Variants in SLC45A1 observed in about 807,000 individuals in gnomAD.
The protein encoded by SLC45A1 is solute carrier family 45 member 1.
A neutral mutation model predicts 57.6 loss-of-function variants in SLC45A1; 28 were observed. The ratio of observed to expected loss-of-function variants is 0.49; its 90% CI spans 0.36 to 0.67. The LOEUF (loss-of-function observed/expected upper bound fraction) is 0.67. SLC45A1 is among the 30% of genes least tolerant of loss of function. SLC45A1 has a pLI of 0.00. For synonymous variants in SLC45A1, 459 were observed against 471.5 expected, an observed-to-expected ratio of 0.97 and a Z score of 0.34; for missense variants, 814 against 1,041.5, an observed-to-expected ratio of 0.78 and a Z score of 3.01.
intron 4 of SLC45A1, among the ~76,000 whole-genome samples, chr1:8,329,145 C>A (rs1308754003): frequency 6.6e-6 from 1 of 152,164 alleles, no homozygotes; most frequent in Non-Finnish European, 1.5e-5. Flanking sequence ...ATAATGAGAT[C>A]CATGGTCATA....
chr1:8,343,974 T>G lies in SLC45A1; in HGVS notation c.2208T>G (p.Ala736=), dbSNP rs776071189. The change falls in exon 9 of 9, where the codon GCT becomes GCG. Residue 736 remains alanine (A), a synonymous_variant. Coordinates refer to ENST00000471889, the MANE Select transcript of SLC45A1 (RefSeq NM_001080397.3). The surrounding 1 kb of genome is among the most constrained non-coding windows in gnomAD (Gnocchi z 7.7). Reference sequence around the variant, plus strand: ...TTTATGAAATTCCTCCCAGCGACGCTGCAGACGAGGAGCACCGGCCCCTCC... The same window carrying G: ...TTTATGAAATTCCTCCCAGCGACGCGGCAGACGAGGAGCACCGGCCCCTCC... ...FVIYEIPPSD[A]ADEEHRPLLL... The G allele has an allele frequency of 9.9e-5, 160 of 1,613,456 alleles. No individual in the cohort carries two copies. The Middle Eastern group carries it at 4.4e-3, about 45-fold the overall frequency.
chr1:8,325,790 T>C lies in SLC45A1; in HGVS notation c.491-28T>C, dbSNP rs1640178388. On this transcript the variant is annotated intron_variant, in intron 3 of 8. Coordinates refer to ENST00000471889, the MANE Select transcript of SLC45A1 (RefSeq NM_001080397.3). This position sits in a 1 kb window ranked among gnomAD's most constrained non-coding sequence, Gnocchi z 6.3. The stretch of plus-strand genomic sequence containing the variant: ...GGGACAGAGCTGGTCTGCATTTTCT[T>C]GGGGTGACTTTGTTTCTCTGTGTCC... The C allele has an allele frequency of 6.2e-7, 1 of 1,600,866 alleles. No homozygotes were observed. Among genetic ancestry groups the C allele is most frequent in the African/African-American group, 1.3e-5 (1 of 74,736 alleles).
intron 6 of SLC45A1, among the ~76,000 whole-genome samples, chr1:8,336,614 C>G (rs1452264674): frequency 6.6e-6 from 1 of 152,096 alleles, no homozygotes; most frequent in East Asian, 1.9e-4. Flanking sequence ...AGGTATTGAT[C>G]ACAGCATGGT....
At chr1:8,319,105 A>G (rs987462946) in intron 1 of SLC45A1, among the ~76,000 whole-genome samples, 1 of 152,086 alleles carries the variant, frequency 6.6e-6, no homozygotes, top group African/African-American at 2.4e-5. Context: ...ACATGGTGAA[A>G]CCCCATCTCT....
rs1248490217 is a variant in SLC45A1 at position 8,335,066 on chromosome 1, T to C, written c.1444-371T>C. On this transcript the variant is annotated intron_variant, in intron 5 of 8. Coordinates refer to ENST00000471889, the MANE Select transcript of SLC45A1 (RefSeq NM_001080397.3). This position sits in a 1 kb window ranked among gnomAD's most constrained non-coding sequence, Gnocchi z 4.1. ...TTGAAATAAGTCGTTCCCAGTCTTC[T>C]TTTACAAAAAAGAAAGGACTTCCTA... 6.6e-6 allele frequency among the ~76,000 whole-genome samples: 1 copy of C among 152,182 alleles called. No individual in the cohort carries two copies. Among genetic ancestry groups the C allele is most frequent in the Non-Finnish European group, 1.5e-5 (1 of 68,040 alleles).
rs1169521546 is a variant in SLC45A1, at chr1:8,328,511, GCAC to G, written c.716-1694_716-1692del. On this transcript the variant is annotated intron_variant, in intron 4 of 8. Transcript: ENST00000471889. The surrounding 1 kb of genome is among the most constrained non-coding windows in gnomAD (Gnocchi z 4.6). ...TTACCTTACGCCCGTCTATGAGAATGCACCACTTTGATCATTCAAGAAAATTAG... is the reference window on the plus strand; with the variant it reads ...TTACCTTACGCCCGTCTATGAGAATGCACTTTGATCATTCAAGAAAATTAG... 2.0e-5 allele frequency among the ~76,000 whole-genome samples: 3 copies of G among 152,304 alleles called. No homozygotes were observed. Among genetic ancestry groups the G allele is most frequent in the African/African-American group, 7.2e-5 (3 of 41,562 alleles).
At chr1:8,324,205 G>A (rs1037672795) in intron 1 of SLC45A1, 101 bp from the exon 2 acceptor site, 13 of 1,068,230 alleles carry the variant, frequency 1.2e-5, no homozygotes, top group Non-Finnish European at 1.8e-5. Flanking sequence ...TGCTTTCGGG[G>A]GATGGTGTTT....
In SLC45A1 at chr1:8,326,302, G is replaced by GTT. The variant is rs1317567446; in HGVS notation, c.715+261_715+262dup. On this transcript the variant is annotated intron_variant, in intron 4 of 8. Coordinates refer to ENST00000471889, the MANE Select transcript of SLC45A1 (RefSeq NM_001080397.3). The surrounding 1 kb of genome is among the most constrained non-coding windows in gnomAD (Gnocchi z 5.5). ...TCGTGGATTCTCATTGTTTGAGGTA[G>GTT]TTATGTTCTGCAGAGTCACCACAAA... Among the ~76,000 whole-genome samples the GTT allele has an allele frequency of 1.3e-5, 2 of 152,198 alleles. No homozygotes were observed. Among genetic ancestry groups the GTT allele is most frequent in the African/African-American group, 4.8e-5 (2 of 41,442 alleles).
intron 1 of SLC45A1, among the ~76,000 whole-genome samples, chr1:8,319,954 G>A (rs1046046855): frequency 1.3e-5 from 2 of 152,166 alleles, no homozygotes; most frequent in Non-Finnish European, 2.9e-5. Flanking sequence ...CTGAGCTCAG[G>A]TGATCCACCC....
intron 6 of SLC45A1, among the ~76,000 whole-genome samples, chr1:8,336,960 C>T (rs1480247137): frequency 1.3e-5 from 2 of 152,204 alleles, no homozygotes; most frequent in Non-Finnish European, 2.9e-5. Context: ...AGCTGGAGCA[C>T]CTCCACTGCT....
chr1:8,333,261 C>A (rs1410755365), intron 5 of SLC45A1, among the ~76,000 whole-genome samples: 1 of 141,670 alleles, frequency 7.1e-6, no homozygotes, highest in Non-Finnish European at 1.5e-5. Flanking sequence ...TCTTTTATTT[C>A]TTTTCTTTTT....
rs1183284026 is a variant in SLC45A1, at chr1:8,330,854, CT to C, written c.1362del (p.Gln455ArgfsTer22). The C allele has an allele frequency of 6.2e-7, 1 of 1,612,580 alleles. No individual in the cohort carries two copies. The highest frequency in any genetic ancestry group is 1.7e-5 in the Admixed American group (1 of 60,012). On this transcript the variant is annotated frameshift_variant, in exon 5 of 9. Coordinates refer to ENST00000471889, the MANE Select transcript of SLC45A1 (RefSeq NM_001080397.3). LOFTEE classifies it high-confidence loss of function. This position sits in a 1 kb window ranked among gnomAD's most constrained non-coding sequence, Gnocchi z 8.4. The stretch of plus-strand genomic sequence containing the variant: ...AGGTCATCAGGGATTCTGAAGAGAC[CT>C]CAGACCTTGGCCATCCCGGACGCAG... ...KPRSSGILKR[P>X]QTLAIPDAAG...
rs1640884558 is a variant in SLC45A1, at chr1:8,343,162, G to A, written c.1981-585G>A. On this transcript the variant is annotated intron_variant, in intron 8 of 8. Transcript: ENST00000471889. The surrounding 1 kb of genome is among the most constrained non-coding windows in gnomAD (Gnocchi z 7.7). ...CACGCAGCACCTTGCAGGCCGGCTGGTGCTGGGGGAGCCCAGTGAGGGAAA... is the reference window on the plus strand; with the variant it reads ...CACGCAGCACCTTGCAGGCCGGCTGATGCTGGGGGAGCCCAGTGAGGGAAA... 6.6e-6 allele frequency among the ~76,000 whole-genome samples: 1 copy of A among 152,192 alleles called. No individual in the cohort carries two copies.
intron 8 of SLC45A1, among the ~76,000 whole-genome samples, chr1:8,342,280 G>A (rs934182649): frequency 9.2e-5 from 14 of 152,132 alleles, no homozygotes; most frequent in East Asian, 5.8e-4. Context: ...GACTTTTACC[G>A]GCTGTATTGA....
chr1:8,336,296 G>A (rs2124317704), intron 6 of SLC45A1, among the ~76,000 whole-genome samples: 1 of 152,044 alleles, frequency 6.6e-6, no homozygotes, highest in South Asian at 2.1e-4. Context: ...TGTAATCCCA[G>A]CTACTTGGGA....
chr1:8,338,044 A>T (rs1418427153), intron 7 of SLC45A1, 52 bp downstream of exon 7: 2 of 1,552,246 alleles, frequency 1.3e-6, no homozygotes, highest in Non-Finnish European at 1.8e-6. Flanking sequence ...GGTTGGGTCC[A>T]TGGAGCATGC....
In SLC45A1 at chr1:8,330,886, G is replaced by A; in HGVS notation, c.1393G>A (p.Gly465Arg). ...QTLAIPDAAG[G>R]GGPETSRRRN... ...CTTGGCCATCCCGGACGCAGCCGGAGGAGGGGGTCCCGAAACCAGCAGGAG... is the reference window on the plus strand; with the variant it reads ...CTTGGCCATCCCGGACGCAGCCGGAAGAGGGGGTCCCGAAACCAGCAGGAG... Residue 465 changes from glycine (G) to arginine (R), a missense_variant, in exon 5 of 9, where the codon GGA (glycine) becomes AGA (arginine). By Grantham distance (125) the Gly-to-Arg change is moderately radical. Transcript: ENST00000471889. The surrounding 1 kb of genome is among the most constrained non-coding windows in gnomAD (Gnocchi z 8.4). The A allele has an allele frequency of 6.2e-7, 1 of 1,603,876 alleles. No individual in the cohort carries two copies. Among genetic ancestry groups the A allele is most frequent in the Non-Finnish European group, 8.5e-7 (1 of 1,172,738 alleles).
In SLC45A1 at chr1:8,343,789, G is replaced by T; in HGVS notation, c.2023G>T (p.Val675Leu). The T allele has an allele frequency of 5.0e-6, 8 of 1,614,088 alleles. No homozygotes were observed. The highest frequency in any genetic ancestry group is 6.8e-6 in the Non-Finnish European group (8 of 1,179,988). The change falls in exon 9 of 9, where the codon GTG (valine) becomes TTG (leucine). Residue 675 changes from valine to leucine, a missense_variant. Val to Leu is a conservative substitution (Grantham distance 32). Transcript: ENST00000471889. The surrounding 1 kb of genome is among the most constrained non-coding windows in gnomAD (Gnocchi z 7.7). The stretch of plus-strand genomic sequence containing the variant: ...GGACGGCACCCGGCGGGGCATGGGC[G>T]TGGACATCTCTCTGCTGAGCTGCCA... ...SADGTRRGMG[V>L]DISLLSCQYF...
At chr1:8,338,684 C>G (rs1025025295) in intron 7 of SLC45A1, among the ~76,000 whole-genome samples, 2 of 152,370 alleles carry the variant, frequency 1.3e-5, no homozygotes, top group South Asian at 4.1e-4. Context: ...GCGTGCCAAG[C>G]GCCAATCAAA....
Sources: gnomAD v4.1 joint callset for allele counts (sites outside exome capture counted in the v4.1 genomes callset) on GRCh38, gnomAD v4.1.1 for gene constraint, Gnocchi (gnomAD v3.1) non-coding constraint, MANE v1.5 for transcripts, NCBI Gene and HGNC (gene_info 2026-07-23, HGNC 2026-07-21) for gene names.